Variants in PDGFC observed in about 807,000 individuals in gnomAD.
PDGFC encodes the protein platelet-derived growth factor C.
A neutral mutation model predicts 35.5 loss-of-function variants in PDGFC; 12 were observed. The ratio of observed to expected loss-of-function variants is 0.34; its 90% confidence interval spans 0.22 to 0.55. PDGFC has a LOEUF of 0.55. Ranked by LOEUF, PDGFC falls within the 20% of genes least tolerant of loss-of-function variation. PDGFC has a pLI of 0.91. For missense variants in PDGFC, 322 were observed against 412.4 expected, an observed-to-expected ratio of 0.78 and a Z score of 1.90; for synonymous variants, 159 against 148.8, an observed-to-expected ratio of 1.07 and a Z score of -0.50.
At chr4:156,797,636 C>T (rs1264826190) in intron 3 of PDGFC, among the ~76,000 whole-genome samples, 1 of 152,088 alleles carries the variant, frequency 6.6e-6, no homozygotes, top group African/African-American at 2.4e-5. Context: ...AAAGTAAAAT[C>T]ACAAAAATAA....
intron 1 of PDGFC, among the ~76,000 whole-genome samples, chr4:156,913,050 G>C (rs1187469184): frequency 1.3e-5 from 2 of 152,056 alleles, no homozygotes; most frequent in Non-Finnish European, 2.9e-5. Flanking sequence ...GTAATGTTTA[G>C]ATTCAAAATG....
rs1326637904 is a variant in PDGFC at position 156,762,078 on chromosome 4, C to A, written c.*1012G>T. 1.3e-5 allele frequency: 2 copies of A among 152,524 alleles called. No individual in the cohort carries two copies. The highest frequency in any genetic ancestry group is 2.9e-5 in the Non-Finnish European group (2 of 68,010). The allele number at this position is 152,524 out of a possible 1,614,324, so 9.4% of individuals were successfully genotyped here. On this transcript the variant is annotated 3_prime_UTR_variant, in exon 6 of 6. Transcript: ENST00000502773. ...GAAGATATGATAATTTAATTATTTT[C>A]AAAAAGTCTTTGCAACTTACCAATT... is the stretch of plus-strand genomic sequence containing the variant.
intron 1 of PDGFC, among the ~76,000 whole-genome samples, chr4:156,911,262 GA>G (rs760360813): frequency 7.2e-4 from 110 of 152,180 alleles, no homozygotes; most frequent in Non-Finnish European, 1.3e-3. Context: ...TGCTTTATTT[GA>G]AAATCTCTTA....
intron 3 of PDGFC, among the ~76,000 whole-genome samples, chr4:156,786,602 A>T (rs888632812): frequency 3.9e-5 from 6 of 152,182 alleles, no homozygotes; most frequent in Non-Finnish European, 5.9e-5. Flanking sequence ...ACAAGGGGAC[A>T]CTGTAGGTCA....
At chr4:156,917,519 G>A (rs953096133) in intron 1 of PDGFC, among the ~76,000 whole-genome samples, 1 of 152,138 alleles carries the variant, frequency 6.6e-6, no homozygotes, top group South Asian at 2.1e-4. Context: ...GTAAAATCTT[G>A]TTAAAGAAAA....
chr4:156,905,762 A>G (rs1410897661), intron 1 of PDGFC, among the ~76,000 whole-genome samples: 1 of 151,978 alleles, frequency 6.6e-6, no homozygotes, highest in Non-Finnish European at 1.5e-5. Flanking sequence ...TGAAGGGCTC[A>G]GCTTTATTTT....
chr4:156,952,223 ACAGT>A (rs1732100847), intron 1 of PDGFC, among the ~76,000 whole-genome samples: 1 of 151,884 alleles, frequency 6.6e-6, no homozygotes, highest in African/African-American at 2.4e-5. Context: ...AAGTCATGAA[ACAGT>A]CAGAAACAAA....
chr4:156,785,682 C>T (rs1731104674), intron 3 of PDGFC, among the ~76,000 whole-genome samples: 1 of 152,144 alleles, frequency 6.6e-6, no homozygotes. Flanking sequence ...CAAAGTGTAA[C>T]ATTCATGCAG....
At chr4:156,769,204 A>AT (rs1375384184) in intron 4 of PDGFC, among the ~76,000 whole-genome samples, 3 of 151,898 alleles carry the variant, frequency 2.0e-5, no homozygotes, top group Non-Finnish European at 4.4e-5. Flanking sequence ...ATGAAAAAAA[A>AT]GAAAGCTATT....
chr4:156,832,008 CTG>C (rs1026720139), intron 2 of PDGFC, among the ~76,000 whole-genome samples: 7 of 152,044 alleles, frequency 4.6e-5, no homozygotes, highest in Non-Finnish European at 8.8e-5. Context: ...ATCCTATAAA[CTG>C]TTACTTCAAA....
At chr4:156,810,325 A>G (rs1731897354) in intron 3 of PDGFC, among the ~76,000 whole-genome samples, 1 of 151,938 alleles carries the variant, frequency 6.6e-6, no homozygotes, top group Non-Finnish European at 1.5e-5. Flanking sequence ...GGATATCTTA[A>G]ATAAGCTACA....
At chr4:156,884,735 G>A (rs191597334) in intron 1 of PDGFC, among the ~76,000 whole-genome samples, 170 of 152,274 alleles carry the variant, frequency 1.1e-3, no homozygotes, top group Admixed American at 5.7e-3. Flanking sequence ...AACACATTGT[G>A]AAATTCAATT....
intron 3 of PDGFC, among the ~76,000 whole-genome samples, chr4:156,799,757 T>C (rs962951731): frequency 6.6e-6 from 1 of 152,196 alleles, no homozygotes; most frequent in African/African-American, 2.4e-5. Context: ...ATTGACTGCA[T>C]TCATATTTTT....
chr4:156,765,638 T>A (rs2110789816), intron 5 of PDGFC, among the ~76,000 whole-genome samples: 1 of 152,274 alleles, frequency 6.6e-6, no homozygotes, highest in African/African-American at 2.4e-5. Flanking sequence ...CATAAAAAAT[T>A]AAATATGTAA....
At chr4:156,959,828 T>C (rs1016759842) in intron 1 of PDGFC, among the ~76,000 whole-genome samples, 5 of 151,966 alleles carry the variant, frequency 3.3e-5, no homozygotes, top group African/African-American at 9.7e-5. Flanking sequence ...ATTGATTTCC[T>C]AGGATGTAAA....
At chr4:156,815,503 A>G (rs960277237) in intron 2 of PDGFC, among the ~76,000 whole-genome samples, 2 of 152,100 alleles carry the variant, frequency 1.3e-5, no homozygotes, top group Non-Finnish European at 2.9e-5. Context: ...ACACAACACC[A>G]TTTGCAGAAT....
chr4:156,797,266 C>T (rs1279362668), intron 3 of PDGFC, among the ~76,000 whole-genome samples: 1 of 151,108 alleles, frequency 6.6e-6, no homozygotes, highest in African/African-American at 2.4e-5. Context: ...AAAAGAAAAA[C>T]TTCAGACAAT....
intron 1 of PDGFC, among the ~76,000 whole-genome samples, chr4:156,868,819 TC>T (rs1334362293): frequency 6.6e-5 from 10 of 152,212 alleles, no homozygotes; most frequent in African/African-American, 2.4e-4. Context: ...TCTTCAAGAT[TC>T]TATCCTCCGT....
intron 2 of PDGFC, among the ~76,000 whole-genome samples, chr4:156,820,633 C>T (rs947130191): frequency 3.9e-5 from 6 of 152,114 alleles, no homozygotes; most frequent in East Asian, 1.9e-4. Context: ...CTCCAAGGTA[C>T]GCCTGTAATA....
Sources: gnomAD v4.1 joint callset for allele counts (sites outside exome capture counted in the v4.1 genomes callset) on GRCh38, gnomAD v4.1.1 for gene constraint, MANE v1.5 for transcripts, NCBI Gene and HGNC (gene_info 2026-07-23, HGNC 2026-07-21) for gene names.